MRPL1: variants seen among roughly 807,000 people sequenced by gnomAD.
MRPL1 encodes the protein large ribosomal subunit protein uL1m.
In MRPL1, 28 loss-of-function variants were observed where a neutral mutation model predicts 38.0. The observed-to-expected ratio is 0.74, with a 90% confidence interval of 0.55 to 1.01. The LOEUF (loss-of-function observed/expected upper bound fraction) is 1.01. Ranked by LOEUF, MRPL1 falls within the 50% of genes least tolerant of loss-of-function variation. The probability of loss-of-function intolerance (pLI) is 0.00; values close to 1 mark genes in which losing one functional copy is unlikely to be tolerated. For synonymous variants in MRPL1, 123 were observed against 126.7 expected, an observed-to-expected ratio of 0.97 and a Z score of 0.20; for missense variants, 358 against 389.8, an observed-to-expected ratio of 0.92 and a Z score of 0.69.
chr4:77,925,808 G>A (rs1736701683), intron 7 of MRPL1, among the ~76,000 whole-genome samples: 2 of 151,782 alleles, frequency 1.3e-5, no homozygotes, highest in Admixed American at 1.3e-4. Flanking sequence ...ATTTGGGAGA[G>A]TATTTTATAC....
At position 77,892,236 on chromosome 4, in the gene MRPL1, A is replaced by G. The variant is rs1735824875; in HGVS notation, c.559-1903A>G. ...AACCTCCACCTCCCGGGTTCAAGCA[A>G]TTCTCCTGAATCTGCCTCCCGAGTA... On this transcript the variant is annotated intron_variant, in intron 5 of 8. Transcript: ENST00000315567. 2.0e-5 allele frequency among the ~76,000 whole-genome samples: 3 copies of G among 151,798 alleles called. No homozygotes were observed. The South Asian group carries it at 6.2e-4, about 31-fold the overall frequency.
rs114542456 is a variant in MRPL1, at chr4:77,895,668, G to C, written c.670+1418G>C. On this transcript the variant is annotated intron_variant, in intron 6 of 8. Transcript: ENST00000315567. ...TATATATCCTAGCCACTAACAACTT[G>C]TCTGAATTCTAGATCATGACCTGTA... Among the ~76,000 whole-genome samples, 642 of 152,182 alleles carry C rather than the reference G, an allele frequency of 4.2e-3. 7 individuals are homozygous for C. Among genetic ancestry groups the C allele is most frequent in the African/African-American group, 0.015 (618 of 41,528 alleles).
intron 7 of MRPL1, among the ~76,000 whole-genome samples, chr4:77,932,062 C>G (rs1736856555): frequency 6.6e-6 from 1 of 152,158 alleles, no homozygotes; most frequent in Admixed American, 6.5e-5. Flanking sequence ...CCATTGGCAG[C>G]ACATTCAGTG....
At chr4:77,916,219 A>G (rs1241936877) in intron 7 of MRPL1, among the ~76,000 whole-genome samples, 1 of 152,232 alleles carries the variant, frequency 6.6e-6, no homozygotes, top group African/African-American at 2.4e-5. Context: ...TTTGCTATAT[A>G]GAAAATAATA....
At chr4:77,875,231 C>T (rs1015609125) in intron 2 of MRPL1, among the ~76,000 whole-genome samples, 2 of 152,132 alleles carry the variant, frequency 1.3e-5, no homozygotes, top group Non-Finnish European at 2.9e-5. Context: ...TGTGATACAA[C>T]TTCTGATTAG....
chr4:77,886,842 G>C (rs1331144547), intron 4 of MRPL1, among the ~76,000 whole-genome samples: 1 of 137,896 alleles, frequency 7.3e-6, no homozygotes, highest in Non-Finnish European at 1.5e-5. Flanking sequence ...ACCCAGGCTG[G>C]AGTGCAGTGG....
intron 7 of MRPL1, among the ~76,000 whole-genome samples, chr4:77,941,262 C>G (rs896051899): frequency 6.8e-6 from 1 of 148,076 alleles, no homozygotes; most frequent in African/African-American, 2.6e-5. Context: ...CAAAACTCTG[C>G]CTCAGAAAAA....
At chr4:77,866,854 T>C (rs1316414832) in intron 1 of MRPL1, among the ~76,000 whole-genome samples, 1 of 151,816 alleles carries the variant, frequency 6.6e-6, no homozygotes, top group Non-Finnish European at 1.5e-5. Flanking sequence ...TTCAGACGAT[T>C]CTCCTGCCTC....
At chr4:77,879,113 T>G (rs1735471304) in intron 2 of MRPL1, among the ~76,000 whole-genome samples, 1 of 152,222 alleles carries the variant, frequency 6.6e-6, no homozygotes, top group Non-Finnish European at 1.5e-5. Flanking sequence ...ATTTATTGTA[T>G]TCTCTGAGAA....
rs148556733 is a variant in MRPL1 at position 77,898,766 on chromosome 4, T to G, written c.670+4516T>G. On this transcript the variant is annotated intron_variant, in intron 6 of 8. Coordinates refer to ENST00000315567, the MANE Select transcript of MRPL1 (RefSeq NM_020236.4). Reference sequence around the variant, plus strand: ...CCCTCAGCTTCCCAAAGTGCTGGGATTACATGCGTGAGCCACCGCACCCAG... The same window carrying G: ...CCCTCAGCTTCCCAAAGTGCTGGGAGTACATGCGTGAGCCACCGCACCCAG... Among the ~76,000 whole-genome samples, 74 of 152,140 alleles carry G rather than the reference T, an allele frequency of 4.9e-4. No homozygotes were observed. The East Asian group carries it at 9.1e-3, about 19-fold the overall frequency.
chr4:77,883,211 T>G (rs765865786), intron 2 of MRPL1, 31 bp from the exon 3 acceptor site: 1 of 1,394,830 alleles, frequency 7.2e-7, no homozygotes. Context: ...AGGATATATA[T>G]TGATATAACT....
rs747223197 is a variant in MRPL1, at chr4:77,949,840, T to C, written c.821T>C (p.Val274Ala). The change falls in exon 8 of 9, where the codon GTT becomes GCT. Residue 274 changes from valine to alanine, a missense_variant. By Grantham distance (64) the Val-to-Ala change is moderately conservative. Transcript: ENST00000315567. ...SDQIAANLQA[V>A]INEVCRHRPL... is the part of the protein sequence containing the mutation. ...CAGATAGCTGCCAATCTGCAAGCAG[T>C]TATTAATGAAGTTTGTAGGCACAGA... The C allele has an allele frequency of 4.3e-6, 7 of 1,611,714 alleles. No homozygotes were observed. The highest frequency in any genetic ancestry group is 5.9e-6 in the Non-Finnish European group (7 of 1,178,766).
At chr4:77,927,836 A>C (rs1736750204) in intron 7 of MRPL1, among the ~76,000 whole-genome samples, 1 of 152,208 alleles carries the variant, frequency 6.6e-6, no homozygotes, top group Non-Finnish European at 1.5e-5. Context: ...GAACATGTAA[A>C]TAATAATGCT....
Position 77,915,881 on chromosome 4 carries a change from T to C in MRPL1, c.777+6509T>C, listed in dbSNP as rs146309891. Among the ~76,000 whole-genome samples, 572 of 152,356 alleles carry C rather than the reference T, an allele frequency of 3.8e-3. 5 individuals are homozygous for C. The highest frequency in any genetic ancestry group is 0.013 in the African/African-American group (545 of 41,576). ...CAAGTTATTGGAATATGTTATTTTT[T>C]AATCAGTTATATTGCTATCACATAG... On this transcript the variant is annotated intron_variant, in intron 7 of 8. Transcript: ENST00000315567.
intron 6 of MRPL1, among the ~76,000 whole-genome samples, chr4:77,895,098 T>C (rs1735882883): frequency 6.6e-6 from 1 of 152,158 alleles, no homozygotes; most frequent in African/African-American, 2.4e-5. Context: ...AATGATGGGC[T>C]AATGAGCATG....
intron 7 of MRPL1, among the ~76,000 whole-genome samples, chr4:77,931,905 A>G (rs12108312): frequency 0.22 from 33,350 of 152,084 alleles, 4,428 homozygotes; most frequent in African/African-American, 0.36. Flanking sequence ...CTTAACTCTC[A>G]TCTGTTCACG....
At chr4:77,934,054 T>TA (rs1462712699) in intron 7 of MRPL1, among the ~76,000 whole-genome samples, 9 of 152,010 alleles carry the variant, frequency 5.9e-5, no homozygotes, top group Non-Finnish European at 8.8e-5. Context: ...TACTCAGCAA[T>TA]AAAAAAAGGT....
chr4:77,923,485 A>G (rs1205030919), intron 7 of MRPL1, among the ~76,000 whole-genome samples: 1 of 152,180 alleles, frequency 6.6e-6, no homozygotes, highest in African/African-American at 2.4e-5. Context: ...TCTATAATCT[A>G]TTGACATAAC....
At chr4:77,896,119 A>G (rs879551230) in intron 6 of MRPL1, among the ~76,000 whole-genome samples, 11 of 137,790 alleles carry the variant, frequency 8.0e-5, no homozygotes, top group Admixed American at 2.9e-4. Flanking sequence ...TTGCTACTTT[A>G]TCCATTCTCT....
Sources: allele counts gnomAD v4.1 joint callset (sites outside exome capture counted in the v4.1 genomes callset), GRCh38; gene constraint gnomAD v4.1.1; transcripts MANE v1.5; gene names NCBI Gene and HGNC (gene_info 2026-07-23, HGNC 2026-07-21).